The following ST18 variants were observed in gnomAD, a reference collection of about 807,000 sequenced individuals.
The protein encoded by ST18 is ST18 C2H2C-type zinc finger transcription factor, also known as suppression of tumorigenicity 18 protein.
Under a neutral mutation model 110.0 loss-of-function variants are expected in ST18, and 50 were observed. That is an observed-to-expected ratio of 0.45 (90% CI 0.36 to 0.58). The LOEUF (loss-of-function observed/expected upper bound fraction) is 0.58. ST18 is among the 20% of genes least tolerant of loss of function. The probability of loss-of-function intolerance (pLI) is 0.00; values close to 1 mark genes in which losing one functional copy is unlikely to be tolerated. For synonymous variants in ST18, 461 were observed against 452.4 expected (o/e 1.02, Z -0.24); for missense variants, 1,306 against 1,280.1 (o/e 1.02, Z -0.31).
chr8:52,389,183 G>A (rs1164777566), intron 2 of ST18, among the ~76,000 whole-genome samples: 7 of 152,242 alleles, frequency 4.6e-5, no homozygotes, highest in South Asian at 2.1e-4. Context: ...CGCGAAAGTC[G>A]CCTTTGGAGG....
intron 2 of ST18, among the ~76,000 whole-genome samples, chr8:52,322,468 G>T (rs1350228794): frequency 6.6e-6 from 1 of 152,274 alleles, no homozygotes; most frequent in African/African-American, 2.4e-5. Flanking sequence ...TGACCGACTT[G>T]TTTACATCAG....
chr8:52,322,000 A>T (rs1316514299), intron 2 of ST18, among the ~76,000 whole-genome samples: 1 of 152,212 alleles, frequency 6.6e-6, no homozygotes, highest in African/African-American at 2.4e-5. Context: ...TGTTCCCAGC[A>T]TCCTGCCTTC....
intron 2 of ST18, among the ~76,000 whole-genome samples, chr8:52,295,462 C>T (rs1245663618): frequency 6.6e-6 from 1 of 152,012 alleles, no homozygotes; most frequent in South Asian, 2.1e-4. Flanking sequence ...ATTTTAATGA[C>T]CTTCGAAATT....
chr8:52,113,461 T>C (rs1245622775), intron 25 of ST18, 123 bp from the exon 26 acceptor site: 2 of 1,070,826 alleles, frequency 1.9e-6, no homozygotes, highest in African/African-American at 3.1e-5. Context: ...TGCATATGAC[T>C]GCTGGGGTTG....
chr8:52,228,016 A>G (rs1216949618), intron 3 of ST18, among the ~76,000 whole-genome samples: 4 of 152,248 alleles, frequency 2.6e-5, no homozygotes, highest in Non-Finnish European at 5.9e-5. Context: ...ATAATTGTTA[A>G]TTGGATTTCA....
chr8:52,132,229 C>T (rs1469875089), intron 21 of ST18, 50 bp from the exon 22 acceptor site: 1 of 1,477,202 alleles, frequency 6.8e-7, no homozygotes, highest in Non-Finnish European at 9.2e-7. Context: ...CAGTGATAGT[C>T]CTATGCTCTC....
chr8:52,148,751 A>G lies in ST18; in HGVS notation c.2052+981T>C, dbSNP rs191979636. On this transcript the variant is annotated intron_variant, in intron 16 of 25. Transcript: ENST00000689386. ...GATGGGAAGGGAAGGGAAGGGGGAAAGAAAAACAGCCCAATCTTGTGATCA... is the reference window on the plus strand; with the variant it reads ...GATGGGAAGGGAAGGGAAGGGGGAAGGAAAAACAGCCCAATCTTGTGATCA... Among the ~76,000 whole-genome samples, 1,392 of 152,042 alleles carry G rather than the reference A, an allele frequency of 9.2e-3. 22 individuals are homozygous for G. Among genetic ancestry groups the G allele is most frequent in the South Asian group, 0.017 (81 of 4,794 alleles).
chr8:52,223,571 G>A (rs1385478301), intron 3 of ST18, among the ~76,000 whole-genome samples: 2 of 151,736 alleles, frequency 1.3e-5, no homozygotes, highest in Non-Finnish European at 2.9e-5. Flanking sequence ...TTGAGCCCAG[G>A]AGGCAGAGGT....
intron 2 of ST18, among the ~76,000 whole-genome samples, chr8:52,259,562 T>G (rs898340659): frequency 6.6e-6 from 1 of 152,154 alleles, no homozygotes; most frequent in Admixed American, 6.5e-5. Context: ...AGATGATAAA[T>G]GATTCCCTGT....
At chr8:52,179,667 A>C (rs1318005108) in intron 9 of ST18, among the ~76,000 whole-genome samples, 1 of 152,278 alleles carries the variant, frequency 6.6e-6, no homozygotes, top group East Asian at 1.9e-4. Context: ...AATTAAAAAA[A>C]ATTTTTAACT....
At chr8:52,139,875 G>A (rs1391538791) in intron 17 of ST18, among the ~76,000 whole-genome samples, 1 of 152,200 alleles carries the variant, frequency 6.6e-6, no homozygotes, top group Non-Finnish European at 1.5e-5. Context: ...TTGGAATTTT[G>A]ATAGCTAGAC....
At chr8:52,144,860 T>C (rs1435671278) in intron 16 of ST18, among the ~76,000 whole-genome samples, 2 of 152,082 alleles carry the variant, frequency 1.3e-5, no homozygotes, top group African/African-American at 2.4e-5. Context: ...ATGGCTAAAA[T>C]GAAAAAATTC....
chr8:52,165,368 A>C, intron 11 of ST18, 143 bp from the exon 12 acceptor site: 1 of 756,068 alleles, frequency 1.3e-6, no homozygotes, highest in Non-Finnish European at 2.2e-6. Context: ...GACACAAACA[A>C]GTGAGCATGG....
chr8:52,349,355 T>G (rs1234509216), intron 2 of ST18, among the ~76,000 whole-genome samples: 2 of 152,182 alleles, frequency 1.3e-5, no homozygotes, highest in East Asian at 1.9e-4. Flanking sequence ...TATTAATCAC[T>G]GTATTTTAAG....
chr8:52,113,136 T>C lies in ST18; in HGVS notation c.*62A>G. 6.3e-7 allele frequency: 1 copy of C among 1,599,928 alleles called. No individual in the cohort carries two copies. The highest frequency in any genetic ancestry group is 8.5e-7 in the Non-Finnish European group (1 of 1,173,654). The stretch of plus-strand genomic sequence containing the variant: ...CACGCCTTAGCAGTACATGAACCTC[T>C]AACAGATCCATCTGGAGTTTACTGC... On this transcript the variant is annotated 3_prime_UTR_variant, in exon 26 of 26. Transcript: ENST00000689386.
At chr8:52,251,661 T>C (rs2094314927) in intron 2 of ST18, among the ~76,000 whole-genome samples, 1 of 152,088 alleles carries the variant, frequency 6.6e-6, no homozygotes, top group Admixed American at 6.6e-5. Flanking sequence ...TCAGTTTGTG[T>C]TTTCACCTAT....
chr8:52,397,589 G>A (rs1414234532), intron 2 of ST18, among the ~76,000 whole-genome samples: 1 of 152,086 alleles, frequency 6.6e-6, no homozygotes, highest in Non-Finnish European at 1.5e-5. Context: ...ATGGTTTCAG[G>A]TCTTACATTT....
At chr8:52,117,445 C>A (rs147596847) in intron 24 of ST18, among the ~76,000 whole-genome samples, 1 of 152,310 alleles carries the variant, frequency 6.6e-6, no homozygotes, top group Non-Finnish European at 1.5e-5. Context: ...TTGTCTGCTT[C>A]CTCCTTCTAG....
chr8:52,213,899 G>A (rs939398408), intron 7 of ST18, among the ~76,000 whole-genome samples: 2 of 152,164 alleles, frequency 1.3e-5, no homozygotes, highest in Admixed American at 6.5e-5. Context: ...TAATTTGAAA[G>A]TTTCCATGAA....
Sources: gnomAD v4.1 joint callset for allele counts (sites outside exome capture counted in the v4.1 genomes callset) on GRCh38, gnomAD v4.1.1 for gene constraint, MANE v1.5 for transcripts, NCBI Gene and HGNC (gene_info 2026-07-23, HGNC 2026-07-21) for gene names.